UNC13C: variants seen among roughly 807,000 people sequenced by gnomAD.
UNC13C encodes the protein unc-13 homolog C, also known as protein unc-13 homolog C.
A neutral mutation model predicts 245.4 loss-of-function variants in UNC13C; 174 were observed. The ratio of observed to expected loss-of-function variants is 0.71; its 90% CI spans 0.63 to 0.80. The LOEUF (loss-of-function observed/expected upper bound fraction) is 0.80, where lower values mean the gene tolerates loss of function less well. Among genes scored for constraint, UNC13C ranks in the 30% least tolerant of loss-of-function variants. The probability of loss-of-function intolerance (pLI) is 0.00; values close to 1 mark genes in which losing one functional copy is unlikely to be tolerated. For synonymous variants in UNC13C, 992 were observed against 895.1 expected, an observed-to-expected ratio of 1.11 and a Z score of -1.93; for missense variants, 2,829 against 2,602.9, an observed-to-expected ratio of 1.09 and a Z score of -1.89.
chr15:54,615,214 C>A (rs899364718), intron 30 of UNC13C, among the ~76,000 whole-genome samples: 1 of 151,988 alleles, frequency 6.6e-6, no homozygotes, highest in South Asian at 2.1e-4. Flanking sequence ...TACTTACAAT[C>A]CAGTTATACT....
At chr15:53,894,124 G>A in the UNC13C span, among the ~76,000 whole-genome samples, 963 of 152,320 alleles carry the variant, frequency 6.3e-3, 10 homozygotes, top group African/African-American at 0.022. Flanking sequence ...CTTCCCAGGT[G>A]AGGCGACACC....
intron 24 of UNC13C, among the ~76,000 whole-genome samples, chr15:54,519,487 T>G (rs939783888): frequency 6.6e-6 from 1 of 152,164 alleles, no homozygotes; most frequent in Non-Finnish European, 1.5e-5. Context: ...GACAGTTGGA[T>G]TTACTGCATA....
intron 2 of UNC13C, among the ~76,000 whole-genome samples, chr15:54,068,323 G>A (rs1385841626): frequency 6.6e-6 from 1 of 152,148 alleles, no homozygotes; most frequent in African/African-American, 2.4e-5. Context: ...CCATTATAGA[G>A]GTAGCTAGAA....
At chr15:54,447,943 A>G (rs887455627) in intron 19 of UNC13C, among the ~76,000 whole-genome samples, 44 of 152,204 alleles carry the variant, frequency 2.9e-4, no homozygotes, top group Middle Eastern at 3.4e-3. Flanking sequence ...ACACTGCTTT[A>G]TATGTGTCCC....
chr15:54,490,887 C>A (rs1436133012), intron 19 of UNC13C, among the ~76,000 whole-genome samples: 1 of 152,090 alleles, frequency 6.6e-6, no homozygotes, highest in Non-Finnish European at 1.5e-5. Context: ...CCACTAAATA[C>A]CACTATCGGC....
intron 10 of UNC13C, among the ~76,000 whole-genome samples, chr15:54,290,207 T>C (rs2140930897): frequency 6.6e-6 from 1 of 152,124 alleles, no homozygotes; most frequent in East Asian, 1.9e-4. Context: ...CAAAAAAAGC[T>C]GTTTGGAAGA....
At chr15:54,590,455 T>G (rs1456259248) in intron 30 of UNC13C, among the ~76,000 whole-genome samples, 1 of 152,158 alleles carries the variant, frequency 6.6e-6, no homozygotes, top group Non-Finnish European at 1.5e-5. Flanking sequence ...GTCATCTGTG[T>G]TTTCTTTCAC....
chr15:54,452,591 T>C (rs1027155552), intron 19 of UNC13C, among the ~76,000 whole-genome samples: 1 of 152,178 alleles, frequency 6.6e-6, no homozygotes, highest in Admixed American at 6.5e-5. Flanking sequence ...CTAGGGGAAG[T>C]TGGAGAAAGC....
chr15:54,495,863 A>G (rs1893926086), intron 20 of UNC13C, among the ~76,000 whole-genome samples: 1 of 151,986 alleles, frequency 6.6e-6, no homozygotes, highest in Admixed American at 6.6e-5. Flanking sequence ...AACTTTTCTC[A>G]TACAAAGTAT....
intron 4 of UNC13C, among the ~76,000 whole-genome samples, chr15:54,145,866 C>A (rs913883023): frequency 6.6e-6 from 1 of 152,180 alleles, no homozygotes; most frequent in African/African-American, 2.4e-5. Flanking sequence ...TACATCCATG[C>A]TTTTGTTAAG....
intron 4 of UNC13C, among the ~76,000 whole-genome samples, chr15:54,217,538 T>C (rs537750836): frequency 6.6e-6 from 1 of 152,038 alleles, no homozygotes; most frequent in African/African-American, 2.4e-5. Flanking sequence ...TTAGTTTGGA[T>C]GATTGTAAAT....
At chr15:54,042,407 C>T (rs1407919011) in intron 2 of UNC13C, among the ~76,000 whole-genome samples, 1 of 152,120 alleles carries the variant, frequency 6.6e-6, no homozygotes, top group Non-Finnish European at 1.5e-5. Flanking sequence ...TATACTGATA[C>T]TGCTAAGAAC....
chr15:54,149,121 C>A (rs1440578647), intron 4 of UNC13C, among the ~76,000 whole-genome samples: 1 of 152,126 alleles, frequency 6.6e-6, no homozygotes, highest in African/African-American at 2.4e-5. Context: ...CTCTCTGTCT[C>A]CTGCTGCCAT....
At chr15:54,611,882 G>A (rs1596673788) in intron 30 of UNC13C, among the ~76,000 whole-genome samples, 1 of 151,936 alleles carries the variant, frequency 6.6e-6, no homozygotes, top group Admixed American at 6.6e-5. Context: ...TGCTTCATCA[G>A]GCTTACACAC....
At chr15:54,558,504 C>T (rs1050154085) in intron 29 of UNC13C, among the ~76,000 whole-genome samples, 25 of 151,930 alleles carry the variant, frequency 1.6e-4, no homozygotes, top group Admixed American at 4.6e-4. Context: ...TAAAATACCA[C>T]GTCAATTACT....
intron 12 of UNC13C, among the ~76,000 whole-genome samples, chr15:54,299,395 C>A (rs988593827): frequency 6.6e-6 from 1 of 152,050 alleles, no homozygotes; most frequent in African/African-American, 2.4e-5. Flanking sequence ...ATTTTGCAGC[C>A]CAAATCCTTT....
intron 4 of UNC13C, among the ~76,000 whole-genome samples, chr15:54,232,789 T>C (rs2035588617): frequency 6.6e-6 from 1 of 152,170 alleles, no homozygotes; most frequent in African/African-American, 2.4e-5. Flanking sequence ...TAGTTCATTA[T>C]TGATACTGTT....
At chr15:54,388,435 A>G (rs1009900078) in intron 17 of UNC13C, among the ~76,000 whole-genome samples, 1 of 152,036 alleles carries the variant, frequency 6.6e-6, no homozygotes, top group Admixed American at 6.6e-5. Flanking sequence ...TATGGGTCCA[A>G]CTCGAGGCTG....
intron 18 of UNC13C, among the ~76,000 whole-genome samples, chr15:54,400,991 C>G (rs2040171076): frequency 6.6e-6 from 1 of 152,042 alleles, no homozygotes. Context: ...AACCATCATT[C>G]TCAGCAAAAT....
Sources: allele counts gnomAD v4.1 joint callset (sites outside exome capture counted in the v4.1 genomes callset), GRCh38; gene constraint gnomAD v4.1.1; transcripts MANE v1.5; gene names NCBI Gene and HGNC (gene_info 2026-07-23, HGNC 2026-07-21).